Variants in GLRA2 observed in about 807,000 individuals in gnomAD.
GLRA2 encodes glycine receptor alpha 2, also known as glycine receptor subunit alpha-2.
A neutral mutation model predicts 31.6 loss-of-function variants in GLRA2; 11 were observed. That is an observed-to-expected ratio of 0.35 (90% CI 0.22 to 0.58). The LOEUF (loss-of-function observed/expected upper bound fraction) is 0.58, where lower values mean the gene tolerates loss of function less well. Among genes scored for constraint, GLRA2 ranks in the 20% least tolerant of loss-of-function variants. The pLI is 0.84. For missense variants in GLRA2, 212 were observed against 351.8 expected, an observed-to-expected ratio of 0.60 and a Z score of 3.18; for synonymous variants, 132 against 134.0, an observed-to-expected ratio of 0.99 and a Z score of 0.10.
At chrX:14,493,545 T>TTATATACATATATACACATATATACA in the GLRA2 span, among the ~76,000 whole-genome samples, 21 of 95,937 alleles carry the variant, frequency 2.2e-4, no homozygotes, top group African/African-American at 8.6e-4. Context: ...ATATATATAC[T>TTATATACATATATACACATATATACA]TATATACATA....
intron 7 of GLRA2, among the ~76,000 whole-genome samples, chrX:14,657,973 T>G (rs2090956406): frequency 9.0e-6 from 1 of 111,576 alleles, no homozygotes; most frequent in African/African-American, 3.3e-5. Flanking sequence ...CGATCCCCCT[T>G]CTGTATTAGG....
Position 14,612,627 on chromosome X carries a change from T to C in GLRA2, c.930+3422T>C, listed in dbSNP as rs568649437. The stretch of plus-strand genomic sequence containing the variant: ...AAGAAAATGTGGTACATATACACCA[T>C]GGAATACTATGCAGCCATGAAAAAG... On this transcript the variant is annotated intron_variant, in intron 7 of 8. Transcript: ENST00000218075. Among the ~76,000 whole-genome samples, 6 of 111,312 alleles carry C rather than the reference T, an allele frequency of 5.4e-5. No individual in the cohort carries two copies. The East Asian group carries it at 1.7e-3, about 32-fold the overall frequency.
At chrX:14,662,539 T>C (rs1316942880) in intron 7 of GLRA2, among the ~76,000 whole-genome samples, 1 of 111,862 alleles carries the variant, frequency 8.9e-6, no homozygotes, top group African/African-American at 3.2e-5. Flanking sequence ...AAAATATATA[T>C]GAATGTTCAG....
At chrX:14,549,082 G>A (rs1436395466) in intron 2 of GLRA2, among the ~76,000 whole-genome samples, 2 of 112,042 alleles carry the variant, frequency 1.8e-5, no homozygotes, top group East Asian at 5.6e-4. Flanking sequence ...GGAGAACTCA[G>A]TTCACTGAGG....
intron 2 of GLRA2, among the ~76,000 whole-genome samples, chrX:14,556,056 A>T (rs1273809271): frequency 8.9e-6 from 1 of 112,014 alleles, no homozygotes; most frequent in Non-Finnish European, 1.9e-5. Context: ...TGATATTCAT[A>T]TAGGGAGAAT....
the GLRA2 span, among the ~76,000 whole-genome samples, chrX:14,469,637 T>C: frequency 5.3e-5 from 5 of 94,108 alleles, no homozygotes; most frequent in African/African-American, 1.6e-4. Context: ...TAAGTGGGAA[T>C]TGAACAATGA....
intron 7 of GLRA2, among the ~76,000 whole-genome samples, chrX:14,616,781 T>G (rs769855395): frequency 8.9e-6 from 1 of 112,301 alleles, no homozygotes; most frequent in South Asian, 3.7e-4. Flanking sequence ...TGGAAACAAT[T>G]ATTTTTTGTA....
At chrX:14,528,349 C>T (rs147953277), upstream of GLRA2, among the ~76,000 whole-genome samples, 239 of 112,137 alleles carry the variant, frequency 2.1e-3, 2 homozygotes, top group African/African-American at 7.1e-3. Flanking sequence ...TAAACTGATC[C>T]AAAGTTAGTC....
chrX:14,474,964 A>G, the GLRA2 span, among the ~76,000 whole-genome samples: 2 of 112,175 alleles, frequency 1.8e-5, no homozygotes, highest in South Asian at 7.4e-4. Flanking sequence ...TAGGAAACAA[A>G]TATTTGTAGC....
chrX:14,568,554 G>A (rs897190249), intron 2 of GLRA2, among the ~76,000 whole-genome samples: 2 of 109,802 alleles, frequency 1.8e-5, no homozygotes, highest in Non-Finnish European at 3.8e-5. Context: ...TTAGCCGGGC[G>A]TGGTGGCACA....
chrX:14,573,502 A>T lies in GLRA2; in HGVS notation c.203-831A>T, dbSNP rs1332910245. On this transcript the variant is annotated intron_variant, in intron 2 of 8. Transcript: ENST00000218075. ...TCATGGCAATATTAGCTCAGAAAGC[A>T]TTAGGAGAAAATTCCACAAAGGCAA... Among the ~76,000 whole-genome samples the T allele has an allele frequency of 7.2e-5, 8 of 111,747 alleles. No individual in the cohort carries two copies. The South Asian group carries it at 3.0e-3, about 42-fold the overall frequency.
intron 7 of GLRA2, among the ~76,000 whole-genome samples, chrX:14,668,033 G>A (rs1171550708): frequency 1.9e-4 from 21 of 111,923 alleles, no homozygotes; most frequent in Non-Finnish European, 3.8e-5. Context: ...CATAGCCAAG[G>A]CTGTAGTCTC....
the GLRA2 span, among the ~76,000 whole-genome samples, chrX:14,478,487 A>T: frequency 8.9e-6 from 1 of 111,832 alleles, no homozygotes; most frequent in Non-Finnish European, 1.9e-5. Flanking sequence ...CTTATATCCT[A>T]TTTGTGTGGG....
Position 14,581,314 on chromosome X carries a change from T to C in GLRA2, c.402T>C (p.Phe134=), listed in dbSNP as rs1227047185. Residue 134 remains phenylalanine (F), a synonymous_variant, in exon 4 of 9, where the codon TTT becomes TTC. Coordinates refer to ENST00000218075, the MANE Select transcript of GLRA2 (RefSeq NM_002063.4). ...LDSIWKPDLF[F]ANEKGANFHD... ...CCATTTGGAAACCAGATTTGTTCTT[T>C]GCCAATGAGAAGGGTGCCAACTTCC... is the stretch of plus-strand genomic sequence containing the variant. 8.3e-7 allele frequency: 1 copy of C among 1,203,983 alleles called. No homozygotes were observed. Among genetic ancestry groups the C allele is most frequent in the East Asian group, 3.0e-5 (1 of 33,797 alleles).
chrX:14,722,544 T>G (rs1180598449), intron 8 of GLRA2, among the ~76,000 whole-genome samples: 1 of 111,685 alleles, frequency 9.0e-6, no homozygotes, highest in Non-Finnish European at 1.9e-5. Flanking sequence ...ACAGACCCCA[T>G]GTCTCAATGG....
At chrX:14,632,314 G>T (rs1419682122) in intron 7 of GLRA2, among the ~76,000 whole-genome samples, 2 of 111,245 alleles carry the variant, frequency 1.8e-5, no homozygotes, top group Non-Finnish European at 3.8e-5. Context: ...CACTGCCATG[G>T]TTTTGAATCC....
intron 7 of GLRA2, among the ~76,000 whole-genome samples, chrX:14,683,329 G>T (rs1379586833): frequency 1.8e-5 from 2 of 112,040 alleles, no homozygotes; most frequent in Non-Finnish European, 3.8e-5. Flanking sequence ...TCATGTGTCT[G>T]TTGGCTGCAT....
chrX:14,618,038 G>A (rs961365854), intron 7 of GLRA2, among the ~76,000 whole-genome samples: 11 of 112,230 alleles, frequency 9.8e-5, no homozygotes, highest in African/African-American at 3.6e-4. Flanking sequence ...CTTGGAACAA[G>A]TCTATAATAA....
chrX:14,453,955 C>A, the GLRA2 span, among the ~76,000 whole-genome samples: 1 of 111,604 alleles, frequency 9.0e-6, no homozygotes, highest in South Asian at 3.7e-4. Flanking sequence ...TTACATATTA[C>A]AAAATTCTCT....
Sources: allele counts gnomAD v4.1 joint callset (sites outside exome capture counted in the v4.1 genomes callset), GRCh38; gene constraint gnomAD v4.1.1; transcripts MANE v1.5; gene names NCBI Gene and HGNC (gene_info 2026-07-23, HGNC 2026-07-21).